NLRP3: variants seen among roughly 807,000 people sequenced by gnomAD.
NLRP3 encodes NLR family pyrin domain containing 3, also known as NACHT, LRR and PYD domains-containing protein 3.
Under a neutral mutation model 91.3 loss-of-function variants are expected in NLRP3, and 48 were observed. That is an observed-to-expected ratio of 0.53 (90% confidence interval 0.42 to 0.67). The LOEUF is 0.67. Ranked by LOEUF, NLRP3 falls within the 30% of genes least tolerant of loss-of-function variation. The probability of loss-of-function intolerance (pLI) is 0.00; values close to 1 mark genes in which losing one functional copy is unlikely to be tolerated. For synonymous variants in NLRP3, 561 were observed against 507.9 expected (o/e 1.10, Z -1.41); for missense variants, 982 against 1,276.9 (o/e 0.77, Z 3.52).
Position 247,425,761 on chromosome 1 carries a change from T to C in NLRP3, c.2150+162T>C, listed in dbSNP as rs1328882808. On this transcript the variant is annotated intron_variant, in intron 4 of 9. Coordinates refer to ENST00000336119, the MANE Select transcript of NLRP3 (RefSeq NM_001243133.2). The surrounding 1 kb of genome is among the most constrained non-coding windows in gnomAD (Gnocchi z 4.1). ...TTTGAGACTCCTTCATGAGCAAAGA[T>C]TGATGTATGGTAGGTGGATAAATGG... The C allele has an allele frequency of 1.4e-6, 1 of 693,476 alleles. No homozygotes were observed. Among genetic ancestry groups the C allele is most frequent in the Admixed American group, 2.3e-5 (1 of 43,950 alleles). The allele number at this position is 693,476 out of a possible 1,614,324, so 43.0% of individuals were successfully genotyped here.
chr1:247,448,699 A>G lies in NLRP3; in HGVS notation c.*195A>G, dbSNP rs201584114. ...GCATCTCCTTTACGCCAGGGTGAGG[A>G]AGACACCAGGACAATGACAGCATCG... is the stretch of plus-strand genomic sequence containing the variant. On this transcript the variant is annotated 3_prime_UTR_variant, in exon 10 of 10. Transcript: ENST00000336119. The G allele has an allele frequency of 2.4e-5, 15 of 638,096 alleles. No individual in the cohort carries two copies. The highest frequency in any genetic ancestry group is 3.6e-5 in the African/African-American group (2 of 55,172). 39.5% of individuals were successfully genotyped at this position (638,096 alleles called of 1,614,324 possible).
chr1:247,435,144 C>T (rs548541525), intron 6 of NLRP3, among the ~76,000 whole-genome samples: 8 of 151,862 alleles, frequency 5.3e-5, no homozygotes, highest in Non-Finnish European at 8.8e-5. Flanking sequence ...CCCAGTTACT[C>T]GGGGTGGAGG....
chr1:247,440,082 AGGT>A (rs1664099126), intron 7 of NLRP3, among the ~76,000 whole-genome samples: 1 of 23,850 alleles, frequency 4.2e-5, no homozygotes, highest in African/African-American at 1.4e-4. Flanking sequence ...CCTATGGGTT[AGGT>A]ATAGCCTACG....
intron 9 of NLRP3, 137 bp from the exon 10 acceptor site, chr1:247,448,268 C>CTTTTTTTT (rs58966539): frequency 3.7e-4 from 134 of 358,614 alleles, no homozygotes; most frequent in African/African-American, 3.5e-3. Context: ...TGTGGTCCCT[C>CTTTTTTTT]TTTTTTTTTT....
intron 3 of NLRP3, 97 bp downstream of exon 3, chr1:247,423,446 T>C (rs1260295187): frequency 7.1e-7 from 1 of 1,413,140 alleles, no homozygotes; most frequent in African/African-American, 1.4e-5. Context: ...ATACTATAGG[T>C]TCCTGCTCTT....
At chr1:247,427,287 G>C (rs546060125) in intron 4 of NLRP3, among the ~76,000 whole-genome samples, 8 of 152,318 alleles carry the variant, frequency 5.3e-5, no homozygotes, top group South Asian at 4.1e-4. Context: ...CATGTTGAGG[G>C]TTAGGATTTC....
At chr1:247,447,333 T>C (rs942267241) in intron 9 of NLRP3, among the ~76,000 whole-genome samples, 18 of 152,300 alleles carry the variant, frequency 1.2e-4, no homozygotes, top group African/African-American at 3.8e-4. Context: ...ATATCTCTCC[T>C]GTAAGGGCAC....
intron 9 of NLRP3, among the ~76,000 whole-genome samples, chr1:247,447,429 A>G (rs1248608388): frequency 6.6e-6 from 1 of 152,218 alleles, no homozygotes; most frequent in Non-Finnish European, 1.5e-5. Flanking sequence ...ACCGTACATT[A>G]GGGGTTCGGG....
At chr1:247,435,113 A>T (rs147786095) in intron 6 of NLRP3, among the ~76,000 whole-genome samples, 2 of 152,078 alleles carry the variant, frequency 1.3e-5, no homozygotes, top group Non-Finnish European at 2.9e-5. Flanking sequence ...TTAGCCAGGC[A>T]TGGTGGTGCA....
Position 247,418,378 on chromosome 1 carries a change from T to C in NLRP3, c.-423T>C. 6.7e-6 allele frequency: 2 copies of C among 298,724 alleles called. No homozygotes were observed. Among genetic ancestry groups the C allele is most frequent in the African/African-American group, 2.2e-5 (1 of 45,322 alleles). The allele number at this position is 298,724 out of a possible 1,614,324, so 18.5% of individuals were successfully genotyped here. On this transcript the variant is annotated 5_prime_UTR_variant, in exon 2 of 10. Transcript: ENST00000336119. ...GTGCAGTGGCGTGATCTTGGCTCAC[T>C]GCAGCCTCCACTTCCCGGGTTCAAT...
chr1:247,442,987 G>GCT (rs1426394369), intron 7 of NLRP3, among the ~76,000 whole-genome samples: 3 of 152,122 alleles, frequency 2.0e-5, no homozygotes, highest in African/African-American at 7.2e-5. Context: ...AAGTGCAGTG[G>GCT]CAATCTCGGC....
chr1:247,439,059 T>TCCAG (rs1664021835), intron 7 of NLRP3, among the ~76,000 whole-genome samples: 1 of 152,068 alleles, frequency 6.6e-6, no homozygotes, highest in Admixed American at 6.6e-5. Flanking sequence ...CATCCATCCA[T>TCCAG]CAATCCATCC....
Position 247,425,645 on chromosome 1 carries a change from G to A in NLRP3, c.2150+46G>A. The stretch of plus-strand genomic sequence containing the variant: ...GGTGCTTCCTCCTGCTTCCTCGCCA[G>A]CTTCTTCTTGGCGCTTGCCTCCTCT... On this transcript the variant is annotated intron_variant, in intron 4 of 9. Coordinates refer to ENST00000336119, the MANE Select transcript of NLRP3 (RefSeq NM_001243133.2). This position sits in a 1 kb window ranked among gnomAD's most constrained non-coding sequence, Gnocchi z 4.1. 6.4e-7 allele frequency: 1 copy of A among 1,570,182 alleles called. No individual in the cohort carries two copies. Among genetic ancestry groups the A allele is most frequent in the Non-Finnish European group, 8.7e-7 (1 of 1,154,126 alleles).
In NLRP3 at chr1:247,418,881, A is replaced by T. The variant is rs751660320; in HGVS notation, c.81A>T (p.Leu27Phe). The T allele has an allele frequency of 1.2e-6, 2 of 1,614,138 alleles. No homozygotes were observed. The highest frequency in any genetic ancestry group is 2.2e-5 in the South Asian group (2 of 91,086). The change falls in exon 2 of 10, where the codon TTA becomes TTT. Residue 27 changes from leucine to phenylalanine, a missense_variant. Leu to Phe is a conservative substitution (Grantham distance 22, BLOSUM62 0). This residue lies in a region of NLRP3 where 548 missense variants were observed against 713.7 expected (regional missense o/e 0.77). Transcript: ENST00000336119. The part of the protein sequence containing the change: ...DVDLKKFKMH[L>F]EDYPPQKGCI... ...ACTTGAAGAAATTTAAGATGCACTT[A>T]GAGGACTATCCTCCCCAGAAGGGCT...
intron 2 of NLRP3, among the ~76,000 whole-genome samples, chr1:247,420,438 G>A (rs1662375363): frequency 6.6e-6 from 1 of 151,934 alleles, no homozygotes; most frequent in Admixed American, 6.6e-5. Context: ...TCATGGCCGG[G>A]CATGGTGGCT....
Position 247,424,102 on chromosome 1 carries a change from A to C in NLRP3, c.653A>C (p.His218Pro). The C allele has an allele frequency of 1.2e-6, 2 of 1,614,088 alleles. No individual in the cohort carries two copies. The highest frequency in any genetic ancestry group is 1.7e-6 in the Non-Finnish European group (2 of 1,180,020). ...DPDDEHSEPV[H>P]TVVFQGAAGI... is the part of the protein sequence containing the mutation. ...GATGATGAGCATTCTGAGCCTGTGC[A>C]CACCGTGGTGTTCCAGGGGGCGGCA... Residue 218 changes from histidine to proline, a missense_variant, in exon 4 of 10, where the codon CAC (histidine) becomes CCC (proline). This residue lies in a region of NLRP3 where 548 missense variants were observed against 713.7 expected (regional missense o/e 0.77). Transcript: ENST00000336119. The surrounding 1 kb of genome is among the most constrained non-coding windows in gnomAD (Gnocchi z 8.1).
chr1:247,424,884 A>G lies in NLRP3; in HGVS notation c.1435A>G (p.Lys479Glu), dbSNP rs1354839878. 6.2e-7 allele frequency: 1 copy of G among 1,609,984 alleles called. No individual in the cohort carries two copies. The highest frequency in any genetic ancestry group is 1.1e-5 in the South Asian group (1 of 91,084). Residue 479 changes from lysine to glutamate, a missense_variant, in exon 4 of 10, where the codon AAA becomes GAA. Physicochemically the swap from Lys to Glu is moderately conservative, Grantham distance 56 (BLOSUM62 1). Coordinates refer to ENST00000336119, the MANE Select transcript of NLRP3 (RefSeq NM_001243133.2). This position sits in a 1 kb window ranked among gnomAD's most constrained non-coding sequence, Gnocchi z 8.1. ...SLAADGIWNQ[K>E]ILFEESDLRN... The stretch of plus-strand genomic sequence containing the variant: ...GGCTGCAGATGGAATCTGGAACCAG[A>G]AAATCCTGTTTGAGGAGTCCGACCT...
At chr1:247,437,928 C>T (rs548313969) in intron 7 of NLRP3, among the ~76,000 whole-genome samples, 2 of 152,316 alleles carry the variant, frequency 1.3e-5, no homozygotes, top group East Asian at 1.9e-4. Flanking sequence ...GAGGCCCAGG[C>T]GTAGGCACTC....
At chr1:247,438,378 G>GTGTTTTTTTTTT in intron 7 of NLRP3, among the ~76,000 whole-genome samples, 1 of 71,924 alleles carries the variant, frequency 1.4e-5, no homozygotes, top group Non-Finnish European at 2.6e-5. Context: ...GTTTAGTTGT[G>GTGTTTTTTTTTT]TTTTTTTTTT....
Sources: gnomAD v4.1 joint callset for allele counts (sites outside exome capture counted in the v4.1 genomes callset) on GRCh38, gnomAD v4.1.1 for gene constraint, gnomAD v4.1.1 regional missense constraint, Gnocchi (gnomAD v3.1) non-coding constraint, MANE v1.5 for transcripts, NCBI Gene and HGNC (gene_info 2026-07-23, HGNC 2026-07-21) for gene names.